Variants in HDAC9 observed in about 807,000 individuals in gnomAD.
HDAC9 encodes the protein MEF-2 interacting transcription repressor (MITR) protein.
In HDAC9, 41 loss-of-function variants were observed where a neutral mutation model predicts 139.4. The ratio of observed to expected loss-of-function variants is 0.29; its 90% CI spans 0.23 to 0.38. The LOEUF is 0.38. Ranked by LOEUF, HDAC9 falls within the 10% of genes least tolerant of loss-of-function variation. HDAC9 has a pLI of 1.00. For missense variants in HDAC9, 1,147 were observed against 1,297.0 expected (o/e 0.88, Z 1.78); for synonymous variants, 517 against 476.2 (o/e 1.09, Z -1.12).
At position 18,587,490 on chromosome 7, in the gene HDAC9, A is replaced by C. The variant is rs541844679; in HGVS notation, c.264+1968A>C. Among the ~76,000 whole-genome samples the C allele has an allele frequency of 1.3e-3, 194 of 152,344 alleles. 1 individual carries two copies. Among genetic ancestry groups the C allele is most frequent in the Middle Eastern group, 0.01 (3 of 294 alleles). On this transcript the variant is annotated intron_variant, in intron 3 of 25. Coordinates refer to ENST00000686413, the MANE Select transcript of HDAC9 (RefSeq NM_178425.4). ...TGTATTTTTTATGGATAAAGCTAAA[A>C]GTTGATGCTTTTCATTAAGATTTTA...
At chr7:18,608,826 G>T (rs1056159530) in intron 6 of HDAC9, among the ~76,000 whole-genome samples, 2 of 152,100 alleles carry the variant, frequency 1.3e-5, no homozygotes, top group Non-Finnish European at 2.9e-5. Context: ...TCATAGTGAG[G>T]CACATGTAAT....
At chr7:18,155,093 C>CTTTCTTTT (rs761803907) in intron 1 of HDAC9, among the ~76,000 whole-genome samples, 121 of 141,708 alleles carry the variant, frequency 8.5e-4, no homozygotes, top group African/African-American at 3.0e-3. Flanking sequence ...TTCTTTCTTT[C>CTTTCTTTT]TTTTTTTTTT....
chr7:18,480,902 C>G (rs897761556), intron 1 of HDAC9, among the ~76,000 whole-genome samples: 11 of 152,166 alleles, frequency 7.2e-5, no homozygotes, highest in Non-Finnish European at 1.6e-4. Flanking sequence ...AAACTAGTAT[C>G]TGCATCCAGT....
intron 12 of HDAC9, among the ~76,000 whole-genome samples, chr7:18,706,215 C>T (rs1442618706): frequency 8.8e-6 from 1 of 113,754 alleles, no homozygotes; most frequent in Non-Finnish European, 1.7e-5. Context: ...CAATAAATTT[C>T]CACAGCAAAC....
intron 1 of HDAC9, among the ~76,000 whole-genome samples, chr7:18,463,040 T>C (rs1173710135): frequency 6.6e-6 from 1 of 152,026 alleles, no homozygotes; most frequent in African/African-American, 2.4e-5. Flanking sequence ...CACAGTTTTG[T>C]AATTTTAGCT....
intron 22 of HDAC9, among the ~76,000 whole-genome samples, chr7:18,917,887 A>G (rs1185314095): frequency 9.2e-5 from 14 of 151,980 alleles, no homozygotes; most frequent in Non-Finnish European, 2.9e-5. Flanking sequence ...CATTTTGACA[A>G]TAACGGCATA....
At chr7:18,301,509 C>T (rs1322459000) in intron 1 of HDAC9, among the ~76,000 whole-genome samples, 2 of 151,964 alleles carry the variant, frequency 1.3e-5, no homozygotes, top group East Asian at 3.9e-4. Context: ...CATTTACTGT[C>T]CCACTGGGAT....
At chr7:18,338,360 G>A (rs550766001) in intron 1 of HDAC9, among the ~76,000 whole-genome samples, 1 of 151,754 alleles carries the variant, frequency 6.6e-6, no homozygotes, top group East Asian at 1.9e-4. Flanking sequence ...TCTCTATTGA[G>A]GCACAGGTTT....
At chr7:18,539,496 A>G (rs1235933095) in intron 2 of HDAC9, among the ~76,000 whole-genome samples, 1 of 152,234 alleles carries the variant, frequency 6.6e-6, no homozygotes, top group African/African-American at 2.4e-5. Flanking sequence ...TGAAATTCAA[A>G]TAAAATCTGT....
intron 1 of HDAC9, among the ~76,000 whole-genome samples, chr7:18,130,003 A>AAAACC (rs1784905303): frequency 6.6e-6 from 1 of 152,172 alleles, no homozygotes; most frequent in Admixed American, 6.6e-5. Flanking sequence ...TTGGCTAGAC[A>AAAACC]AAACCAAACC....
intron 1 of HDAC9, among the ~76,000 whole-genome samples, chr7:18,425,526 T>C (rs1322669920): frequency 6.6e-6 from 1 of 152,214 alleles, no homozygotes; most frequent in African/African-American, 2.4e-5. Context: ...TTTGGAGTTT[T>C]CAAAATATCA....
At chr7:18,348,152 G>A (rs1782569360) in intron 1 of HDAC9, among the ~76,000 whole-genome samples, 3 of 152,228 alleles carry the variant, frequency 2.0e-5, no homozygotes, top group African/African-American at 7.2e-5. Context: ...CCTGCAGTTG[G>A]ACATGAAAAG....
At chr7:18,762,383 A>G (rs1349552769) in intron 15 of HDAC9, 106 bp downstream of exon 15, 12 of 1,306,012 alleles carry the variant, frequency 9.2e-6, no homozygotes, top group Admixed American at 4.3e-5. Flanking sequence ...ACAAAAAATC[A>G]GTTTTTCCAA....
At chr7:18,245,941 A>T (rs548410086) in intron 2 of HDAC9, among the ~76,000 whole-genome samples, 4 of 151,770 alleles carry the variant, frequency 2.6e-5, no homozygotes, top group African/African-American at 9.7e-5. Context: ...GTCATTGCTT[A>T]TATCTGGGAA....
At chr7:18,383,757 C>T (rs775824998) in intron 1 of HDAC9, among the ~76,000 whole-genome samples, 73 of 150,744 alleles carry the variant, frequency 4.8e-4, no homozygotes, top group Non-Finnish European at 8.1e-4. Flanking sequence ...GGCGTGGTGG[C>T]GGGCGTCTGC....
chr7:18,512,017 CAA>C (rs11337572), intron 2 of HDAC9, among the ~76,000 whole-genome samples: 4,569 of 96,540 alleles, frequency 0.047, 80 homozygotes, highest in Non-Finnish European at 0.062. Context: ...ATGAATTAAG[CAA>C]AAAAAAAAAA....
chr7:18,303,115 A>G (rs967679463), intron 1 of HDAC9, among the ~76,000 whole-genome samples: 1 of 152,224 alleles, frequency 6.6e-6, no homozygotes, highest in Non-Finnish European at 1.5e-5. Flanking sequence ...ACCAGTTAAT[A>G]TAAAGATTAA....
chr7:18,870,821 A>T (rs1413006391), intron 21 of HDAC9, among the ~76,000 whole-genome samples: 1 of 152,120 alleles, frequency 6.6e-6, no homozygotes, highest in East Asian at 1.9e-4. Flanking sequence ...CTACAGGCAC[A>T]CACCACCATG....
rs76594709 is a variant in HDAC9, at chr7:18,644,019, A to T, written c.913-652A>T. On this transcript the variant is annotated intron_variant, in intron 8 of 25. Transcript: ENST00000686413. ...TTAAAAAAAAGGTATTTGTTGTAAAAAGCACAGTGATGCCAAAACGTTCAG... is the reference window on the plus strand; with the variant it reads ...TTAAAAAAAAGGTATTTGTTGTAAATAGCACAGTGATGCCAAAACGTTCAG... Among the ~76,000 whole-genome samples the T allele has an allele frequency of 5.2e-4, 79 of 152,242 alleles. No individual in the cohort carries two copies. In the East Asian group the frequency reaches 0.013, roughly 25 times the overall value.
Sources: gnomAD v4.1 joint callset for allele counts (sites outside exome capture counted in the v4.1 genomes callset) on GRCh38, gnomAD v4.1.1 for gene constraint, MANE v1.5 for transcripts, NCBI Gene and HGNC (gene_info 2026-07-23, HGNC 2026-07-21) for gene names.